Variants in AUTS2 observed in about 807,000 individuals in gnomAD.
AUTS2 encodes autism susceptibility gene 2 protein.
A neutral mutation model predicts 112.4 loss-of-function variants in AUTS2; 17 were observed. The ratio of observed to expected loss-of-function variants is 0.15; its 90% CI spans 0.10 to 0.23. The LOEUF is 0.23. Ranked by LOEUF, AUTS2 falls within the 10% of genes least tolerant of loss-of-function variation. AUTS2 has a pLI of 1.00. For missense variants in AUTS2, 1,510 were observed against 1,701.6 expected (o/e 0.89, Z 1.98); for synonymous variants, 751 against 702.7 (o/e 1.07, Z -1.09).
intron 5 of AUTS2, among the ~76,000 whole-genome samples, chr7:70,634,079 G>A (rs904916930): frequency 6.6e-6 from 1 of 152,026 alleles, no homozygotes; most frequent in Non-Finnish European, 1.5e-5. Context: ...CTAGGTACGA[G>A]AAACATCAGT....
intron 1 of AUTS2, among the ~76,000 whole-genome samples, chr7:69,613,166 G>A (rs1322041392): frequency 6.6e-6 from 1 of 152,096 alleles, no homozygotes; most frequent in Non-Finnish European, 1.5e-5. Context: ...TGAAAGCTTG[G>A]GCTCCTTATC....
intron 1 of AUTS2, among the ~76,000 whole-genome samples, chr7:69,836,064 T>TA (rs1014187580): frequency 1.4e-4 from 22 of 152,198 alleles, no homozygotes; most frequent in African/African-American, 4.8e-4. Context: ...TGGAAAGCCT[T>TA]ACAAAATTAT....
At chr7:69,910,067 C>T (rs1179022713) in intron 2 of AUTS2, among the ~76,000 whole-genome samples, 2 of 152,284 alleles carry the variant, frequency 1.3e-5, no homozygotes, top group African/African-American at 4.8e-5. Context: ...AGCCCACTTG[C>T]ATAATTTATC....
chr7:70,319,180 A>G (rs1790136738), intron 4 of AUTS2, among the ~76,000 whole-genome samples: 1 of 152,204 alleles, frequency 6.6e-6, no homozygotes, highest in Non-Finnish European at 1.5e-5. Context: ...TGATGCATCA[A>G]GTTACTACTG....
At chr7:69,926,484 TA>T (rs1198603751) in intron 2 of AUTS2, among the ~76,000 whole-genome samples, 2 of 151,968 alleles carry the variant, frequency 1.3e-5, no homozygotes, top group Admixed American at 6.6e-5. Context: ...TCTATCTATC[TA>T]TCTATCTGCC....
intron 6 of AUTS2, among the ~76,000 whole-genome samples, chr7:70,760,166 C>T (rs1029465487): frequency 2.6e-5 from 4 of 152,060 alleles, no homozygotes; most frequent in South Asian, 4.2e-4. Flanking sequence ...CCACCACGCC[C>T]GGCTAATTTT....
At chr7:70,716,265 T>C (rs1310980871) in intron 6 of AUTS2, among the ~76,000 whole-genome samples, 1 of 152,176 alleles carries the variant, frequency 6.6e-6, no homozygotes, top group African/African-American at 2.4e-5. Flanking sequence ...TGCCATCTCC[T>C]GTTCTTTGCC....
At chr7:70,428,025 A>T (rs1795503390) in intron 4 of AUTS2, among the ~76,000 whole-genome samples, 1 of 152,192 alleles carries the variant, frequency 6.6e-6, no homozygotes, top group African/African-American at 2.4e-5. Flanking sequence ...TGTTGTTTGG[A>T]ACATGAATAT....
Position 70,724,050 on chromosome 7 carries a change from C to T in AUTS2, c.742+25430C>T, listed in dbSNP as rs185370679. ...GGGATTATGGGCACCTGCCACCACA[C>T]CTGGCTAATTTTTGTGTTTTTAGTA... On this transcript the variant is annotated intron_variant, in intron 6 of 18. Transcript: ENST00000342771. 6.2e-3 allele frequency among the ~76,000 whole-genome samples: 939 copies of T among 152,156 alleles called. 4 individuals are homozygous for T. Among genetic ancestry groups the T allele is most frequent in the Non-Finnish European group, 9.9e-3 (671 of 68,012 alleles).
At chr7:70,247,406 A>C (rs1444985906) in intron 4 of AUTS2, among the ~76,000 whole-genome samples, 1 of 152,126 alleles carries the variant, frequency 6.6e-6, no homozygotes, top group Non-Finnish European at 1.5e-5. Context: ...ATGAGGTTTC[A>C]GTTTGGGAAG....
intron 2 of AUTS2, among the ~76,000 whole-genome samples, chr7:69,951,049 A>G (rs1421431690): frequency 6.6e-6 from 1 of 152,166 alleles, no homozygotes; most frequent in African/African-American, 2.4e-5. Flanking sequence ...GGAGAAGGTT[A>G]TAGCAGTGAG....
At chr7:69,749,405 CT>C (rs1410573731) in intron 1 of AUTS2, among the ~76,000 whole-genome samples, 1 of 152,212 alleles carries the variant, frequency 6.6e-6, no homozygotes, top group Non-Finnish European at 1.5e-5. Flanking sequence ...GTTATCATTA[CT>C]TTATTCCCTC....
At chr7:70,442,343 C>A (rs1452536524) in intron 5 of AUTS2, among the ~76,000 whole-genome samples, 1 of 152,158 alleles carries the variant, frequency 6.6e-6, no homozygotes, top group Non-Finnish European at 1.5e-5. Context: ...TGTCTACTTC[C>A]TGGACCCCCA....
At chr7:70,286,818 G>T (rs1788481784) in intron 4 of AUTS2, among the ~76,000 whole-genome samples, 1 of 152,058 alleles carries the variant, frequency 6.6e-6, no homozygotes, top group Admixed American at 6.6e-5. Flanking sequence ...CAGCCTCTTT[G>T]TCCTTATAAA....
At chr7:70,442,610 CCT>C (rs920527146) in intron 5 of AUTS2, among the ~76,000 whole-genome samples, 14 of 152,126 alleles carry the variant, frequency 9.2e-5, no homozygotes, top group African/African-American at 3.1e-4. Context: ...CCTGCCTCAG[CCT>C]CCCGAGTAGC....
At chr7:70,035,413 G>A (rs530498587) in intron 2 of AUTS2, among the ~76,000 whole-genome samples, 5 of 152,330 alleles carry the variant, frequency 3.3e-5, no homozygotes, top group African/African-American at 7.2e-5. Context: ...TTTTTCTTGA[G>A]CTGTTGGGTC....
At chr7:70,206,979 G>A (rs1447209030) in intron 4 of AUTS2, among the ~76,000 whole-genome samples, 1 of 152,064 alleles carries the variant, frequency 6.6e-6, no homozygotes, top group African/African-American at 2.4e-5. Context: ...TGAATCAGCA[G>A]ATACTTACAT....
intron 5 of AUTS2, among the ~76,000 whole-genome samples, chr7:70,668,690 G>T (rs978926635): frequency 6.6e-6 from 1 of 152,202 alleles, no homozygotes; most frequent in Non-Finnish European, 1.5e-5. Flanking sequence ...AGTTTATCAC[G>T]TTAGGCAGTT....
intron 1 of AUTS2, among the ~76,000 whole-genome samples, chr7:69,695,472 CTG>C (rs1380006089): frequency 2.0e-5 from 3 of 152,006 alleles, no homozygotes; most frequent in African/African-American, 7.2e-5. Flanking sequence ...AAATTATTAA[CTG>C]TTTGAAAAAT....
Sources: gnomAD v4.1 joint callset for allele counts (sites outside exome capture counted in the v4.1 genomes callset) on GRCh38, gnomAD v4.1.1 for gene constraint, MANE v1.5 for transcripts, NCBI Gene and HGNC (gene_info 2026-07-23, HGNC 2026-07-21) for gene names.